Variants in SPATA17 observed in about 807,000 individuals in gnomAD.
SPATA17 encodes the protein spermatogenesis-associated protein 17.
Under a neutral mutation model 62.2 loss-of-function variants are expected in SPATA17, and 53 were observed. The observed-to-expected ratio is 0.85, with a 90% confidence interval of 0.68 to 1.07. The LOEUF (loss-of-function observed/expected upper bound fraction) is 1.07. Among genes scored for constraint, SPATA17 ranks in the 50% least tolerant of loss-of-function variants. SPATA17 has a pLI of 0.00. For missense variants in SPATA17, 466 were observed against 425.5 expected (o/e 1.10, Z -0.84); for synonymous variants, 146 against 146.8 (o/e 0.99, Z 0.04).
intron 9 of SPATA17, among the ~76,000 whole-genome samples, chr1:217,824,778 T>A (rs1340913179): frequency 1.3e-5 from 2 of 150,962 alleles, no homozygotes; most frequent in Non-Finnish European, 3.0e-5. Flanking sequence ...CATACCTATG[T>A]GATTGGTAAA....
intron 4 of SPATA17, among the ~76,000 whole-genome samples, chr1:217,675,131 C>T (rs1048541206): frequency 5.9e-5 from 9 of 151,876 alleles, no homozygotes; most frequent in African/African-American, 9.7e-5. Context: ...TGACTCCTGC[C>T]GCAATTATAT....
intron 5 of SPATA17, among the ~76,000 whole-genome samples, chr1:217,706,060 T>TGGCATATG (rs1220651268): frequency 6.6e-6 from 1 of 152,190 alleles, no homozygotes; most frequent in African/African-American, 2.4e-5. Context: ...TCAGTTCCAT[T>TGGCATATG]GGCATATGTG....
intron 6 of SPATA17, among the ~76,000 whole-genome samples, chr1:217,744,896 T>C (rs1672712144): frequency 6.6e-6 from 1 of 152,200 alleles, no homozygotes; most frequent in Non-Finnish European, 1.5e-5. Context: ...GGATTAAATG[T>C]AATGTATTTA....
intron 9 of SPATA17, among the ~76,000 whole-genome samples, chr1:217,821,831 T>G (rs61827060): frequency 0.032 from 4,816 of 152,168 alleles, 110 homozygotes; most frequent in Middle Eastern, 0.065. Context: ...AGGGGAGCAC[T>G]CATGCAAGGG....
intron 9 of SPATA17, among the ~76,000 whole-genome samples, chr1:217,832,421 T>C (rs1007756615): frequency 6.6e-6 from 1 of 152,178 alleles, no homozygotes; most frequent in Non-Finnish European, 1.5e-5. Flanking sequence ...TCTCATCTTA[T>C]TGATCTATAA....
chr1:217,821,995 C>A (rs75911366), intron 9 of SPATA17, among the ~76,000 whole-genome samples: 4,763 of 152,144 alleles, frequency 0.031, 250 homozygotes, highest in African/African-American at 0.11. Flanking sequence ...CTACAGCAAT[C>A]TAAAGGATAG....
intron 8 of SPATA17, among the ~76,000 whole-genome samples, chr1:217,796,137 ATT>A (rs367722568): frequency 2.2e-4 from 33 of 152,300 alleles, no homozygotes; most frequent in African/African-American, 7.2e-4. Context: ...TAAGTTCATC[ATT>A]TTTAGCCATT....
chr1:217,801,883 CT>C (rs35813486), intron 9 of SPATA17, 33 bp downstream of exon 9: 1 of 1,570,014 alleles, frequency 6.4e-7, no homozygotes, highest in South Asian at 1.2e-5. Flanking sequence ...AAAGTTATTC[CT>C]TTTTAAAAGC....
At chr1:217,632,182 CAATA>C (rs148602126) in intron 1 of SPATA17, among the ~76,000 whole-genome samples, 7,527 of 151,254 alleles carry the variant, frequency 0.05, 612 homozygotes, top group African/African-American at 0.17. Context: ...GACCCTGTCT[CAATA>C]AATAAATAAA....
intron 6 of SPATA17, among the ~76,000 whole-genome samples, chr1:217,770,983 T>A (rs982921789): frequency 0.012 from 1,126 of 94,686 alleles, 83 homozygotes; most frequent in African/African-American, 0.037. Context: ...ATTGCATTTT[T>A]TTTTTTTTTT....
At chr1:217,854,270 A>G (rs1384436642) in intron 9 of SPATA17, among the ~76,000 whole-genome samples, 1 of 152,198 alleles carries the variant, frequency 6.6e-6, no homozygotes. Flanking sequence ...GTTGCAGTTC[A>G]TCCACAAAAA....
chr1:217,731,653 C>G (rs1236269338), intron 5 of SPATA17, among the ~76,000 whole-genome samples: 1 of 152,058 alleles, frequency 6.6e-6, no homozygotes, highest in African/African-American at 2.4e-5. Context: ...AAAAGATGAC[C>G]TAGAGGTTCT....
intron 1 of SPATA17, among the ~76,000 whole-genome samples, chr1:217,633,897 G>T (rs1285528222): frequency 6.6e-6 from 1 of 152,198 alleles, no homozygotes; most frequent in East Asian, 1.9e-4. Context: ...GTGAGGCCTG[G>T]AAGTCCAATG....
chr1:217,720,077 T>C (rs1672088868), intron 5 of SPATA17, among the ~76,000 whole-genome samples: 1 of 152,114 alleles, frequency 6.6e-6, no homozygotes, highest in African/African-American at 2.4e-5. Context: ...AAGCAGACAA[T>C]TGGAACCGGA....
chr1:217,831,645 C>A (rs1036959396), intron 9 of SPATA17, among the ~76,000 whole-genome samples: 1 of 151,998 alleles, frequency 6.6e-6, no homozygotes, highest in African/African-American at 2.4e-5. Flanking sequence ...TACATTTATT[C>A]AGTGTTTTAA....
At chr1:217,723,426 C>G (rs1167117667) in intron 5 of SPATA17, among the ~76,000 whole-genome samples, 1 of 152,124 alleles carries the variant, frequency 6.6e-6, no homozygotes, top group Non-Finnish European at 1.5e-5. Context: ...TCTTTCCTAA[C>G]CCCCAATCAT....
rs1676119535 is a variant in SPATA17, at chr1:217,871,062, A to G, written c.*4043A>G. Reference sequence around the variant, plus strand: ...CTTTTAACTAGTCTCACTAATTTATAGTTATATATGATGTAGATCTAGATT... The same window carrying G: ...CTTTTAACTAGTCTCACTAATTTATGGTTATATATGATGTAGATCTAGATT... On this transcript the variant is annotated 3_prime_UTR_variant, in exon 11 of 11. Transcript: ENST00000366933. 6.6e-6 allele frequency: 1 copy of G among 152,182 alleles called. No individual in the cohort carries two copies. Among genetic ancestry groups the G allele is most frequent in the Admixed American group, 6.5e-5 (1 of 15,270 alleles). The allele number at this position is 152,182 out of a possible 1,614,324, so 9.4% of individuals were successfully genotyped here. A position where few individuals can be genotyped will look rare whatever the true frequency, so the allele number is the denominator to read the frequency against.
In SPATA17 at chr1:217,812,958, G is replaced by A. The variant is rs373862184; in HGVS notation, c.1005+11108G>A. 5.3e-5 allele frequency among the ~76,000 whole-genome samples: 8 copies of A among 152,198 alleles called. No homozygotes were observed. In the East Asian group the frequency reaches 7.7e-4, roughly 15 times the overall value. On this transcript the variant is annotated intron_variant, in intron 9 of 10. Transcript: ENST00000366933. ...ATGTTGATAGAGCTTTTCCTCATAC[G>A]TCTTATTACAGGTGAATTACAACAG... is the stretch of plus-strand genomic sequence containing the variant.
chr1:217,678,345 A>G (rs1410988416), intron 4 of SPATA17, among the ~76,000 whole-genome samples: 1 of 150,820 alleles, frequency 6.6e-6, no homozygotes, highest in East Asian at 2.0e-4. Flanking sequence ...AGTAGCTGGG[A>G]TTACAGGCTC....
Sources: allele counts gnomAD v4.1 joint callset (sites outside exome capture counted in the v4.1 genomes callset), GRCh38; gene constraint gnomAD v4.1.1; transcripts MANE v1.5; gene names NCBI Gene and HGNC (gene_info 2026-07-23, HGNC 2026-07-21).